The following ATAD2 variants were observed in gnomAD, a reference collection of about 807,000 sequenced individuals.
ATAD2 encodes ATPase family AAA domain containing 2.
Under a neutral mutation model 168.9 loss-of-function variants are expected in ATAD2, and 62 were observed. The ratio of observed to expected loss-of-function variants is 0.37; its 90% CI spans 0.30 to 0.45. ATAD2 has a LOEUF of 0.45. ATAD2 is among the 20% of genes least tolerant of loss of function. ATAD2 has a pLI of 1.00. For missense variants in ATAD2, 1,419 were observed against 1,667.8 expected (o/e 0.85, Z 2.60); for synonymous variants, 613 against 571.6 (o/e 1.07, Z -1.03).
rs1828185945 is a variant in ATAD2, at chr8:123,344,866, C to A, written c.2718+18G>T. The A allele has an allele frequency of 6.2e-7, 1 of 1,611,278 alleles. No individual in the cohort carries two copies. Among genetic ancestry groups the A allele is most frequent in the East Asian group, 2.2e-5 (1 of 44,822 alleles). On this transcript the variant is annotated intron_variant, in intron 19 of 27. Transcript: ENST00000287394. ...AACTCTTTTTGAAAGTATAATGATA[C>A]CGCCCCACATAAATTACCTCTTCTG... is the stretch of plus-strand genomic sequence containing the variant.
intron 13 of ATAD2, among the ~76,000 whole-genome samples, chr8:123,353,928 T>C (rs933957318): frequency 2.0e-5 from 3 of 152,016 alleles, no homozygotes; most frequent in Admixed American, 1.3e-4. Context: ...AGATCAGGAG[T>C]TCGAGACCAG....
chr8:123,325,779 A>C (rs2131274939), intron 26 of ATAD2, 114 bp downstream of exon 26: 1 of 1,382,522 alleles, frequency 7.2e-7, no homozygotes, highest in Non-Finnish European at 9.8e-7. Flanking sequence ...TGGAGGAAAA[A>C]AAGTTTTACT....
chr8:123,400,479 G>T (rs1812980347), upstream of ATAD2: 1 of 373,948 alleles, frequency 2.7e-6, no homozygotes, highest in Admixed American at 3.7e-5. This position sits in a 1 kb window ranked among gnomAD's most constrained non-coding sequence, Gnocchi z 4.5. Context: ...AAACCATTCG[G>T]GGGAACATAG....
rs538601236 is a variant in ATAD2, at chr8:123,344,471, G to A, written c.2718+413C>T. On this transcript the variant is annotated intron_variant, in intron 19 of 27. Transcript: ENST00000287394. ...TGCCATTCTCCTGCTTCAGTCTCCC[G>A]AGTAGCTGGGACTGCAGGCGCCAGC... is the stretch of plus-strand genomic sequence containing the variant. 3.5e-3 allele frequency: 588 copies of A among 165,758 alleles called. 5 individuals carry two copies. Among genetic ancestry groups the A allele is most frequent in the African/African-American group, 0.014 (563 of 40,664 alleles). 10.3% of individuals were successfully genotyped at this position (165,758 alleles called of 1,614,324 possible). A position where few individuals can be genotyped will look rare whatever the true frequency, so the allele number is the denominator to read the frequency against.
intron 2 of ATAD2, among the ~76,000 whole-genome samples, chr8:123,379,890 A>G (rs13256032): frequency 7.7e-6 from 1 of 129,152 alleles, no homozygotes; most frequent in African/African-American, 2.9e-5. Flanking sequence ...TATTATTATT[A>G]TTTTTTTTTT....
At chr8:123,349,600 A>G (rs2131335739) in intron 13 of ATAD2, among the ~76,000 whole-genome samples, 156 bp from the exon 14 acceptor site, 1 of 152,308 alleles carries the variant, frequency 6.6e-6, no homozygotes, top group East Asian at 1.9e-4. Flanking sequence ...AATCTATAAA[A>G]TAACATCCCA....
In ATAD2 at chr8:123,320,263, T is replaced by C. The variant is rs1044470525; in HGVS notation, c.*871A>G. The C allele has an allele frequency of 5.3e-5, 8 of 152,004 alleles. No homozygotes were observed. Among genetic ancestry groups the C allele is most frequent in the South Asian group, 2.1e-4 (1 of 4,826 alleles). The allele number at this position is 152,004 out of a possible 1,614,324, so 9.4% of individuals were successfully genotyped here. A position where few individuals can be genotyped will look rare whatever the true frequency, so the allele number is the denominator to read the frequency against. ...TCTCCCCACTCTCCCCAAAAGCAAG[T>C]ATGCATGGAAGTGCATGCTTTTAAC... On this transcript the variant is annotated 3_prime_UTR_variant, in exon 28 of 28. Coordinates refer to ENST00000287394, the MANE Select transcript of ATAD2 (RefSeq NM_014109.4).
chr8:123,370,146 AAAAC>A, intron 6 of ATAD2, 122 bp from the exon 7 acceptor site: 1 of 879,670 alleles, frequency 1.1e-6, no homozygotes, highest in South Asian at 1.8e-5. Flanking sequence ...TAAAAAAAAA[AAAAC>A]AACAAAAAAA....
At chr8:123,394,717 C>A (rs1162439962) in intron 1 of ATAD2, among the ~76,000 whole-genome samples, 1 of 152,114 alleles carries the variant, frequency 6.6e-6, no homozygotes, top group Admixed American at 6.5e-5. Flanking sequence ...TCTAGTGTTA[C>A]CCTGGACATA....
At chr8:123,353,271 C>T (rs993571976) in intron 13 of ATAD2, among the ~76,000 whole-genome samples, 4 of 150,692 alleles carry the variant, frequency 2.7e-5, no homozygotes, top group Admixed American at 6.6e-5. Context: ...GGCTGAGGCA[C>T]GAGAATAGCT....
chr8:123,344,761 T>G (rs1024831534), intron 19 of ATAD2, 123 bp downstream of exon 19: 2 of 1,073,670 alleles, frequency 1.9e-6, no homozygotes, highest in South Asian at 1.4e-5. Context: ...AATGGTATAT[T>G]TGATAAGAAA....
Position 123,409,586 on chromosome 8 carries a change from G to T in ATAD2, c.-2282+6662C>A, listed in dbSNP as rs570997593. Reference sequence around the variant, plus strand: ...TACCTCACTACAGCTTTGATCGCCTGGGCTCAGGTGATCCTTCTGCCTCAG... The same window carrying T: ...TACCTCACTACAGCTTTGATCGCCTTGGCTCAGGTGATCCTTCTGCCTCAG... On this transcript the variant is annotated intron_variant, in intron 1 of 28. Transcript: ENST00000521903. 3.2e-4 allele frequency among the ~76,000 whole-genome samples: 49 copies of T among 152,160 alleles called. No homozygotes were observed. In the South Asian group the frequency reaches 6.2e-3, roughly 19 times the overall value.
At chr8:123,337,338 G>A (rs923763558) in intron 21 of ATAD2, among the ~76,000 whole-genome samples, 4 of 151,924 alleles carry the variant, frequency 2.6e-5, no homozygotes, top group Admixed American at 2.0e-4. Context: ...ATTCCAGCCC[G>A]GGCAACAGGA....
chr8:123,380,786 G>A (rs1829472743), intron 1 of ATAD2, 109 bp from the exon 2 acceptor site: 1 of 1,089,140 alleles, frequency 9.2e-7, no homozygotes, highest in African/African-American at 1.6e-5. Flanking sequence ...TGCTTTTTGT[G>A]CAGAATCATT....
At chr8:123,373,249 C>T (rs1054823473) in intron 2 of ATAD2, among the ~76,000 whole-genome samples, 3 of 151,326 alleles carry the variant, frequency 2.0e-5, no homozygotes, top group Admixed American at 1.3e-4. Flanking sequence ...CTTTTTTGTC[C>T]AGGTTGGTCT....
chr8:123,351,661 T>C (rs1586874814), intron 13 of ATAD2, among the ~76,000 whole-genome samples: 1 of 152,206 alleles, frequency 6.6e-6, no homozygotes, highest in East Asian at 1.9e-4. Flanking sequence ...GTTTGATTCT[T>C]TCCCTCTTAT....
intron 3 of ATAD2, 138 bp from the exon 4 acceptor site, chr8:123,371,973 A>G (rs1829162226): frequency 9.1e-6 from 8 of 878,292 alleles, no homozygotes; most frequent in Non-Finnish European, 1.3e-5. Flanking sequence ...TTTCTTAAAA[A>G]CATCAGAAAA....
At chr8:123,351,748 G>GGTT (rs1554644030) in intron 13 of ATAD2, among the ~76,000 whole-genome samples, 1 of 134,676 alleles carries the variant, frequency 7.4e-6, no homozygotes, top group African/African-American at 2.8e-5. Context: ...AAAAACTGAT[G>GGTT]TTTTTTTTTT....
chr8:123,392,199 C>T (rs560151108), intron 1 of ATAD2, among the ~76,000 whole-genome samples: 2 of 151,278 alleles, frequency 1.3e-5, no homozygotes, highest in Admixed American at 1.3e-4. Flanking sequence ...GATAACATTG[C>T]CAAAAAAAAA....
Sources: gnomAD v4.1 joint callset for allele counts (sites outside exome capture counted in the v4.1 genomes callset) on GRCh38, gnomAD v4.1.1 for gene constraint, Gnocchi (gnomAD v3.1) non-coding constraint, MANE v1.5 for transcripts, NCBI Gene and HGNC (gene_info 2026-07-23, HGNC 2026-07-21) for gene names.